Variants in ESRRG observed in about 807,000 individuals in gnomAD.
The protein encoded by ESRRG is estrogen related receptor gamma.
In ESRRG, 13 loss-of-function variants were observed where a neutral mutation model predicts 44.0. The observed-to-expected ratio is 0.30, with a 90% CI of 0.19 to 0.47. ESRRG has a LOEUF of 0.47. ESRRG is among the 20% of genes least tolerant of loss of function. ESRRG has a pLI of 1.00. For synonymous variants in ESRRG, 215 were observed against 214.6 expected (o/e 1.00, Z -0.02); for missense variants, 395 against 580.6 (o/e 0.68, Z 3.29).
intron 2 of ESRRG, among the ~76,000 whole-genome samples, chr1:216,789,342 C>T (rs2094237509): frequency 6.6e-6 from 1 of 152,136 alleles, no homozygotes; most frequent in Admixed American, 6.6e-5. Flanking sequence ...CAAGACTCTC[C>T]ACCAGCAAAA....
chr1:216,839,446 A>C (rs57789532), intron 2 of ESRRG, among the ~76,000 whole-genome samples: 1 of 152,180 alleles, frequency 6.6e-6, no homozygotes, highest in Non-Finnish European at 1.5e-5. Context: ...ACCACCTTTT[A>C]TGAATCACAA....
In ESRRG at chr1:216,652,976, G is replaced by GA. The variant is rs11572704; in HGVS notation, c.473-1888dup. ...ACTGCTTAAAAGGATCAGAAAGAAA[G>GA]AAAAAAAAAAGTTTACCAAACAGCA... On this transcript the variant is annotated intron_variant, in intron 2 of 6. Transcript: ENST00000408911. 3.7e-3 allele frequency among the ~76,000 whole-genome samples: 550 copies of GA among 149,192 alleles called. 6 individuals are homozygous for GA. The highest frequency in any genetic ancestry group is 0.013 in the African/African-American group (509 of 40,554).
intron 1 of ESRRG, among the ~76,000 whole-genome samples, chr1:216,939,926 C>G (rs1325092495): frequency 6.6e-6 from 1 of 152,108 alleles, no homozygotes; most frequent in Admixed American, 6.6e-5. Context: ...TTTCTTCCTT[C>G]TCAGCTTTAT....
chr1:217,085,113 A>G (rs60442652), intron 1 of ESRRG, among the ~76,000 whole-genome samples: 2 of 55,566 alleles, frequency 3.6e-5, no homozygotes, highest in African/African-American at 1.4e-4. Flanking sequence ...ATCAAGGATG[A>G]GTAAATGAAT....
intron 1 of ESRRG, among the ~76,000 whole-genome samples, chr1:217,084,243 T>C (rs1381141637): frequency 6.6e-6 from 1 of 152,108 alleles, no homozygotes; most frequent in Non-Finnish European, 1.5e-5. Context: ...GATTGCCTCC[T>C]TAAGGAAGAA....
At position 216,827,469 on chromosome 1, in the gene ESRRG, T is replaced by C. The variant is rs77346035; in HGVS notation, c.-14+112113A>G. ...TCTATCCCTCACTAACTACATGACC[T>C]GGAGTAATTCAGCCTCCCCATTTCA... is the stretch of plus-strand genomic sequence containing the variant. On this transcript the variant is annotated intron_variant, in intron 2 of 7. Transcript: ENST00000359162. Among the ~76,000 whole-genome samples the C allele has an allele frequency of 7.1e-3, 1,079 of 152,268 alleles. 20 individuals carry two copies. The highest frequency in any genetic ancestry group is 0.025 in the African/African-American group (1,020 of 41,562).
rs1053248342 is a variant in ESRRG at position 216,505,353 on chromosome 1, T to C, written c.*1586A>G. 2.6e-5 allele frequency: 4 copies of C among 152,654 alleles called. No individual in the cohort carries two copies. The highest frequency in any genetic ancestry group is 9.6e-5 in the African/African-American group (4 of 41,466). The allele number at this position is 152,654 out of a possible 1,614,324, so 9.5% of individuals were successfully genotyped here. ...AAAAGCACATATATTGGCTTAGCTC[T>C]TGGTAAAAACTGCAGATTAATTTAA... On this transcript the variant is annotated 3_prime_UTR_variant, in exon 7 of 7. Transcript: ENST00000408911.
At chr1:216,885,075 A>C (rs1022578041) in intron 2 of ESRRG, among the ~76,000 whole-genome samples, 1 of 152,174 alleles carries the variant, frequency 6.6e-6, no homozygotes, top group African/African-American at 2.4e-5. Context: ...TAGTCCAACT[A>C]TTCCAAGTAG....
intron 1 of ESRRG, among the ~76,000 whole-genome samples, chr1:217,116,879 C>T (rs1286574432): frequency 3.9e-5 from 6 of 152,154 alleles, no homozygotes; most frequent in African/African-American, 1.2e-4. Flanking sequence ...TAAATTTAAA[C>T]ATTTAGAACC....
At chr1:217,106,519 T>C (rs954039966) in intron 1 of ESRRG, among the ~76,000 whole-genome samples, 6 of 152,136 alleles carry the variant, frequency 3.9e-5, no homozygotes, top group African/African-American at 1.2e-4. Flanking sequence ...GTAAAAGACA[T>C]TGATGGTTTT....
chr1:216,843,334 G>T (rs777307999), intron 2 of ESRRG, among the ~76,000 whole-genome samples: 2 of 151,830 alleles, frequency 1.3e-5, no homozygotes, highest in African/African-American at 2.4e-5. Context: ...TTTCCACAGG[G>T]CTCTACAAAA....
At chr1:216,683,823 T>C (rs932285610) in intron 1 of ESRRG, among the ~76,000 whole-genome samples, 8 of 152,162 alleles carry the variant, frequency 5.3e-5, no homozygotes, top group African/African-American at 1.4e-4. Context: ...TCCTTTCTCA[T>C]TTAATTTTTT....
In ESRRG at chr1:216,625,500, C is replaced by T. The variant is rs1423254793; in HGVS notation, c.589+25473G>A. Among the ~76,000 whole-genome samples the T allele has an allele frequency of 4.0e-5, 6 of 149,078 alleles. No homozygotes were observed. In the East Asian group the frequency reaches 1.2e-3, roughly 30 times the overall value. On this transcript the variant is annotated intron_variant, in intron 3 of 6. Coordinates refer to ENST00000408911, the MANE Select transcript of ESRRG (RefSeq NM_001438.4). ...TCCTTATAATAACGTCTTGCTTTTC[C>T]TATTTTCACCTGGAAACATCATGCT...
chr1:216,859,026 C>T (rs924745650), intron 2 of ESRRG, among the ~76,000 whole-genome samples: 2 of 152,144 alleles, frequency 1.3e-5, no homozygotes, highest in African/African-American at 4.8e-5. Flanking sequence ...GAAAAATATT[C>T]AATAAATGTG....
chr1:216,583,056 T>C (rs1260684426), intron 3 of ESRRG, among the ~76,000 whole-genome samples: 1 of 150,478 alleles, frequency 6.6e-6, no homozygotes, highest in East Asian at 1.9e-4. Flanking sequence ...AAAAAAAAAC[T>C]GTAAATTTGA....
intron 3 of ESRRG, among the ~76,000 whole-genome samples, chr1:216,598,730 GA>G (rs35708507): frequency 4.1e-5 from 6 of 148,128 alleles, no homozygotes; most frequent in South Asian, 2.1e-4. Flanking sequence ...GGTTTGGCTG[GA>G]AAAAAAAAAG....
At chr1:216,557,607 G>A (rs1018746158) in intron 5 of ESRRG, among the ~76,000 whole-genome samples, 1 of 151,960 alleles carries the variant, frequency 6.6e-6, no homozygotes, top group African/African-American at 2.4e-5. Context: ...GTTTATAAGG[G>A]TCTTTTGTAA....
chr1:216,772,681 A>G (rs557294779), intron 2 of ESRRG, among the ~76,000 whole-genome samples: 1 of 152,056 alleles, frequency 6.6e-6, no homozygotes, highest in Non-Finnish European at 1.5e-5. Flanking sequence ...AAACAATGGC[A>G]TAGTGAGTTT....
intron 1 of ESRRG, among the ~76,000 whole-genome samples, chr1:217,084,395 T>C (rs769195583): frequency 1.3e-5 from 2 of 152,160 alleles, no homozygotes; most frequent in Non-Finnish European, 2.9e-5. Context: ...AGTGTGCTAA[T>C]AAAAATAGGT....
Sources: gnomAD v4.1 joint callset for allele counts (sites outside exome capture counted in the v4.1 genomes callset) on GRCh38, gnomAD v4.1.1 for gene constraint, MANE v1.5 for transcripts, NCBI Gene and HGNC (gene_info 2026-07-23, HGNC 2026-07-21) for gene names.